UNC13C: variants seen among roughly 807,000 people sequenced by gnomAD.
The protein encoded by UNC13C is unc-13 homolog C.
A neutral mutation model predicts 245.4 loss-of-function variants in UNC13C; 174 were observed. The ratio of observed to expected loss-of-function variants is 0.71; its 90% CI spans 0.63 to 0.80. The LOEUF is 0.80. Ranked by LOEUF, UNC13C falls within the 30% of genes least tolerant of loss-of-function variation. The pLI is 0.00. For missense variants in UNC13C, 2,829 were observed against 2,602.9 expected (o/e 1.09, Z -1.89); for synonymous variants, 992 against 895.1 (o/e 1.11, Z -1.93).
At chr15:54,066,350 T>G (rs927550590) in intron 2 of UNC13C, among the ~76,000 whole-genome samples, 3 of 152,226 alleles carry the variant, frequency 2.0e-5, no homozygotes, top group African/African-American at 7.2e-5. Context: ...CTGGTGAACC[T>G]GAGAATGGTC....
At chr15:53,898,411 TACACAC>T in the UNC13C span, among the ~76,000 whole-genome samples, 7,897 of 151,018 alleles carry the variant, frequency 0.052, 265 homozygotes, top group Middle Eastern at 0.14. Context: ...TCCAGACACA[TACACAC>T]ACACACACAC....
intron 2 of UNC13C, among the ~76,000 whole-genome samples, chr15:54,096,489 G>T (rs761351645): frequency 6.6e-6 from 1 of 152,112 alleles, no homozygotes; most frequent in Non-Finnish European, 1.5e-5. Flanking sequence ...TTATCTAGTT[G>T]TCTGTATTTA....
At chr15:54,404,835 A>T (rs2040260953) in intron 18 of UNC13C, among the ~76,000 whole-genome samples, 1 of 152,186 alleles carries the variant, frequency 6.6e-6, no homozygotes, top group South Asian at 2.1e-4. Flanking sequence ...TGTATAGCTC[A>T]GTACTTCTGA....
At chr15:54,089,931 C>T (rs993278274) in intron 2 of UNC13C, among the ~76,000 whole-genome samples, 12 of 152,130 alleles carry the variant, frequency 7.9e-5, no homozygotes, top group African/African-American at 1.7e-4. Flanking sequence ...TGTGCTGCTT[C>T]GGTCCTCAGT....
At position 54,339,674 on chromosome 15, in the gene UNC13C, T is replaced by C. The variant is rs1318563901; in HGVS notation, c.4713+1185T>C. ...ATATATATATATATATCACAGTTTGTTTATTCACTCGTTGATTGATGGGCA... is the reference window on the plus strand; with the variant it reads ...ATATATATATATATATCACAGTTTGCTTATTCACTCGTTGATTGATGGGCA... On this transcript the variant is annotated intron_variant, in intron 17 of 32. Transcript: ENST00000260323. Among the ~76,000 whole-genome samples the C allele has an allele frequency of 3.9e-5, 6 of 152,048 alleles. 2 individuals are homozygous for C. The highest frequency in any genetic ancestry group is 1.4e-4 in the African/African-American group (6 of 41,464).
chr15:54,104,688 G>T (rs199702243), intron 2 of UNC13C, among the ~76,000 whole-genome samples: 1 of 150,162 alleles, frequency 6.7e-6, no homozygotes. Flanking sequence ...TATATTTACA[G>T]TTTTTTTTTT....
the UNC13C span, among the ~76,000 whole-genome samples, chr15:53,932,333 AACAACAAC>A: frequency 3.5e-4 from 53 of 149,948 alleles, no homozygotes; most frequent in African/African-American, 1.2e-3. Context: ...CAACAACAAC[AACAACAAC>A]AAACAGTGCT....
chr15:53,997,229 A>G (rs1894676496), intron 1 of UNC13C, among the ~76,000 whole-genome samples: 1 of 152,122 alleles, frequency 6.6e-6, no homozygotes, highest in African/African-American at 2.4e-5. Context: ...TGAAGTGTTT[A>G]TTCAAGTCTT....
intron 2 of UNC13C, among the ~76,000 whole-genome samples, chr15:54,051,309 C>T (rs760163659): frequency 1.6e-4 from 24 of 152,134 alleles, no homozygotes; most frequent in Non-Finnish European, 2.9e-4. Flanking sequence ...GGAATGGATG[C>T]AATTTCATCA....
rs1901232333 is a variant in UNC13C at position 54,627,208 on chromosome 15, G to A, written c.*95G>A. 1.6e-6 allele frequency: 2 copies of A among 1,269,600 alleles called. No individual in the cohort carries two copies. Among genetic ancestry groups the A allele is most frequent in the Admixed American group, 2.6e-5 (1 of 38,786 alleles). The allele number at this position is 1,269,600 out of a possible 1,614,324, so 78.6% of individuals were successfully genotyped here. On this transcript the variant is annotated 3_prime_UTR_variant, in exon 33 of 33. Coordinates refer to ENST00000260323, the MANE Select transcript of UNC13C (RefSeq NM_001080534.3). ...AATGTTTAGTTCACTACATTTCAAT[G>A]TTTGCCAGTACTCATGTACGATGTC...
At chr15:54,064,533 G>T (rs192311550) in intron 2 of UNC13C, among the ~76,000 whole-genome samples, 2 of 152,334 alleles carry the variant, frequency 1.3e-5, no homozygotes, top group African/African-American at 4.8e-5. Flanking sequence ...AACAAATGCA[G>T]TGTAGCTGAT....
the UNC13C span, among the ~76,000 whole-genome samples, chr15:53,960,388 G>A: frequency 6.6e-6 from 1 of 150,948 alleles, no homozygotes; most frequent in Non-Finnish European, 1.5e-5. Flanking sequence ...TCGTAAGAAA[G>A]GAACCAGAAT....
chr15:54,472,197 G>C (rs1892499736), intron 19 of UNC13C, among the ~76,000 whole-genome samples: 1 of 151,650 alleles, frequency 6.6e-6, no homozygotes, highest in African/African-American at 2.4e-5. Flanking sequence ...GCTATTTTAA[G>C]CTGATAATCA....
intron 8 of UNC13C, among the ~76,000 whole-genome samples, chr15:54,251,847 C>G (rs890742277): frequency 6.6e-6 from 1 of 152,084 alleles, no homozygotes; most frequent in Non-Finnish European, 1.5e-5. Context: ...GTTGTAGTCA[C>G]GATCACATAC....
the UNC13C span, chr15:53,947,799 AG>A: frequency 6.6e-6 from 1 of 152,180 alleles, no homozygotes; most frequent in African/African-American, 2.4e-5. Flanking sequence ...ATAATGGTGA[AG>A]GGTTGTCAAG....
At chr15:54,501,266 G>T (rs763813190) in intron 22 of UNC13C, among the ~76,000 whole-genome samples, 1 of 152,156 alleles carries the variant, frequency 6.6e-6, no homozygotes, top group East Asian at 1.9e-4. Flanking sequence ...TTCAAATGTG[G>T]TGTTTTCTAG....
intron 29 of UNC13C, among the ~76,000 whole-genome samples, chr15:54,560,418 T>C (rs1217476904): frequency 6.6e-6 from 1 of 151,970 alleles, no homozygotes; most frequent in African/African-American, 2.4e-5. Context: ...TTTTTCCTGA[T>C]TTTTTAAAAT....
intron 19 of UNC13C, among the ~76,000 whole-genome samples, chr15:54,492,064 T>A (rs1022153475): frequency 6.6e-6 from 1 of 152,250 alleles, no homozygotes; most frequent in Middle Eastern, 3.4e-3. Context: ...CAGCCTTTAC[T>A]TTTTCTACTC....
At chr15:54,061,342 T>G (rs1400296603) in intron 2 of UNC13C, among the ~76,000 whole-genome samples, 1 of 152,194 alleles carries the variant, frequency 6.6e-6, no homozygotes, top group Non-Finnish European at 1.5e-5. Flanking sequence ...CCCTCAGAAT[T>G]TAGGTGGCTG....
Sources: gnomAD v4.1 joint callset for allele counts (sites outside exome capture counted in the v4.1 genomes callset) on GRCh38, gnomAD v4.1.1 for gene constraint, MANE v1.5 for transcripts, NCBI Gene and HGNC (gene_info 2026-07-23, HGNC 2026-07-21) for gene names.